Variants in LNPEP observed in about 807,000 individuals in gnomAD.
LNPEP encodes the protein leucyl and cystinyl aminopeptidase.
In LNPEP, 64 loss-of-function variants were observed where a neutral mutation model predicts 120.6. The observed-to-expected ratio is 0.53, with a 90% CI of 0.43 to 0.65. The LOEUF is 0.65. Among genes scored for constraint, LNPEP ranks in the 30% least tolerant of loss-of-function variants. LNPEP has a pLI of 0.00. For missense variants in LNPEP, 1,057 were observed against 1,200.0 expected, an observed-to-expected ratio of 0.88 and a Z score of 1.76; for synonymous variants, 435 against 425.4, an observed-to-expected ratio of 1.02 and a Z score of -0.28.
At chr5:96,988,043 T>C (rs577419041) in intron 4 of LNPEP, among the ~76,000 whole-genome samples, 115 of 152,332 alleles carry the variant, frequency 7.5e-4, no homozygotes, top group African/African-American at 2.6e-3. Context: ...ATCTCTTTTT[T>C]GTAGTTCTTA....
At chr5:96,970,513 C>T (rs1789834490) in intron 1 of LNPEP, among the ~76,000 whole-genome samples, 1 of 151,926 alleles carries the variant, frequency 6.6e-6, no homozygotes, top group African/African-American at 2.4e-5. Context: ...ATGTTTAATC[C>T]ATTTACAGTT....
At chr5:97,004,124 C>A (rs1294338120) in intron 9 of LNPEP, among the ~76,000 whole-genome samples, 2 of 152,202 alleles carry the variant, frequency 1.3e-5, no homozygotes, top group Non-Finnish European at 2.9e-5. Flanking sequence ...AGCACATGAA[C>A]CCGGGCTGCT....
chr5:96,936,620 C>G (rs980514904), intron 1 of LNPEP: 1 of 113,834 alleles, frequency 8.8e-6, no homozygotes, highest in Non-Finnish European at 1.7e-5. Context: ...GCCGGCGTGA[C>G]TTTTCCTAAT....
At chr5:97,012,407 G>A (rs1477273111) in intron 11 of LNPEP, among the ~76,000 whole-genome samples, 1 of 151,710 alleles carries the variant, frequency 6.6e-6, no homozygotes, top group African/African-American at 2.4e-5. Context: ...TTTAAAAGGG[G>A]GTAAAAATTA....
At chr5:96,975,794 A>G (rs930698307) in intron 1 of LNPEP, among the ~76,000 whole-genome samples, 1 of 152,216 alleles carries the variant, frequency 6.6e-6, no homozygotes, top group African/African-American at 2.4e-5. Flanking sequence ...GTCTATGTAT[A>G]TCCTGTCCCA....
intron 14 of LNPEP, 39 bp from the exon 15 acceptor site, chr5:97,024,482 T>C: frequency 6.3e-7 from 1 of 1,588,074 alleles, no homozygotes; most frequent in Non-Finnish European, 8.6e-7. Flanking sequence ...ATTCAGAATA[T>C]TTTCTTGTTA....
intron 1 of LNPEP, among the ~76,000 whole-genome samples, chr5:96,946,812 A>G (rs921335355): frequency 6.6e-6 from 1 of 152,160 alleles, no homozygotes; most frequent in Non-Finnish European, 1.5e-5. Context: ...CTGCAAGGTA[A>G]TTTTTTGTTC....
chr5:96,954,724 A>G (rs1218499661), intron 1 of LNPEP, among the ~76,000 whole-genome samples: 1 of 111,652 alleles, frequency 9.0e-6, no homozygotes, highest in Non-Finnish European at 1.8e-5. Flanking sequence ...ATATATATAC[A>G]TATATATATA....
rs1791224919 is a variant in LNPEP at position 97,022,383 on chromosome 5, G to A, written c.2460G>A (p.Arg820=). 1 of 1,613,866 alleles carries A rather than the reference G, an allele frequency of 6.2e-7. No individual in the cohort carries two copies. Among genetic ancestry groups the A allele is most frequent in the South Asian group, 1.1e-5 (1 of 91,088 alleles). ...GCACTCCATCTATGCGAGAGCTTCG[G>A]TCAGCCCTGCTAGAGTTTGCTTGCA... ...DEGTPSMREL[R]SALLEFACTH... Residue 820 remains arginine (R), a synonymous_variant, in exon 14 of 18, where the codon CGG becomes CGA. Coordinates refer to ENST00000231368, the MANE Select transcript of LNPEP (RefSeq NM_005575.3).
At chr5:96,955,048 C>T (rs1789429919) in intron 1 of LNPEP, among the ~76,000 whole-genome samples, 1 of 150,316 alleles carries the variant, frequency 6.7e-6, no homozygotes, top group African/African-American at 2.4e-5. Context: ...TCCCAAAGTG[C>T]TGGGATTACA....
rs1279885187 is a variant in LNPEP at position 97,035,847 on chromosome 5, GGTTGA to G, written c.*7319_*7323del. The G allele has an allele frequency of 2.0e-5, 3 of 152,136 alleles. No individual in the cohort carries two copies. Among genetic ancestry groups the G allele is most frequent in the African/African-American group, 7.2e-5 (3 of 41,442 alleles). The allele number at this position is 152,136 out of a possible 1,614,324, so 9.4% of individuals were successfully genotyped here. On this transcript the variant is annotated 3_prime_UTR_variant, in exon 18 of 18. Transcript: ENST00000231368. The stretch of plus-strand genomic sequence containing the variant: ...AAGACAGGAGAAGACACTCAGCTAT[GGTTGA>G]GTTGTGAAAGCTAATTAGATCCAGC...
chr5:96,938,984 C>CAAA (rs11342983), intron 1 of LNPEP, among the ~76,000 whole-genome samples: 3 of 142,732 alleles, frequency 2.1e-5, no homozygotes, highest in African/African-American at 7.7e-5. Flanking sequence ...TTGTATATTA[C>CAAA]AAAAAAAAAA....
intron 1 of LNPEP, among the ~76,000 whole-genome samples, chr5:96,966,508 T>TTGTGTGTGTGTGTGTG (rs375861296): frequency 7.5e-6 from 1 of 133,368 alleles, no homozygotes; most frequent in Non-Finnish European, 1.6e-5. Flanking sequence ...TTACATATAT[T>TTGTGTGTGTGTGTGTG]TGTGTGTGTG....
At chr5:97,028,052 G>A (rs1207150702) in intron 17 of LNPEP, among the ~76,000 whole-genome samples, 2 of 152,156 alleles carry the variant, frequency 1.3e-5, no homozygotes, top group Non-Finnish European at 2.9e-5. Context: ...AATAATTTAA[G>A]TGGTCATAAA....
chr5:97,022,410 C>G lies in LNPEP; in HGVS notation c.2487C>G (p.Thr829=). 6.2e-7 allele frequency: 1 copy of G among 1,614,036 alleles called. No individual in the cohort carries two copies. The highest frequency in any genetic ancestry group is 2.2e-5 in the East Asian group (1 of 44,870). ...LRSALLEFAC[T]HNLGNCSTTA... is the part of the protein sequence containing the mutation. ...CAGCCCTGCTAGAGTTTGCTTGCAC[C>G]CACAACCTGGGGAACTGCTCTACTA... Residue 829 remains threonine, a synonymous_variant, in exon 14 of 18, where the codon ACC becomes ACG. Coordinates refer to ENST00000231368, the MANE Select transcript of LNPEP (RefSeq NM_005575.3).
At chr5:97,023,308 C>T (rs1791258618) in intron 14 of LNPEP, among the ~76,000 whole-genome samples, 1 of 152,012 alleles carries the variant, frequency 6.6e-6, no homozygotes, top group Non-Finnish European at 1.5e-5. Context: ...GGCTGGAGTG[C>T]AGTGGCGCGA....
At chr5:97,017,094 G>A (rs1156666605) in intron 13 of LNPEP, among the ~76,000 whole-genome samples, 1 of 152,100 alleles carries the variant, frequency 6.6e-6, no homozygotes, top group Non-Finnish European at 1.5e-5. Context: ...TTTACACTTA[G>A]CAGTATATGA....
At chr5:96,966,508 TTG>T (rs375861296) in intron 1 of LNPEP, among the ~76,000 whole-genome samples, 82,883 of 133,016 alleles carry the variant, frequency 0.62, 25,801 homozygotes, top group Non-Finnish European at 0.71. Context: ...TTACATATAT[TTG>T]TGTGTGTGTG....
intron 4 of LNPEP, among the ~76,000 whole-genome samples, chr5:96,987,823 C>A (rs974033596): frequency 2.6e-5 from 4 of 152,148 alleles, no homozygotes; most frequent in African/African-American, 9.7e-5. Flanking sequence ...TGAAATAATT[C>A]AATTAATTCC....
Sources: gnomAD v4.1 joint callset for allele counts (sites outside exome capture counted in the v4.1 genomes callset) on GRCh38, gnomAD v4.1.1 for gene constraint, MANE v1.5 for transcripts, NCBI Gene and HGNC (gene_info 2026-07-23, HGNC 2026-07-21) for gene names.